The following MCOLN2 variants were observed in gnomAD, a reference collection of about 807,000 sequenced individuals.
The protein encoded by MCOLN2 is mucolipin TRP cation channel 2.
Under a neutral mutation model 67.5 loss-of-function variants are expected in MCOLN2, and 57 were observed. The ratio of observed to expected loss-of-function variants is 0.84; its 90% confidence interval spans 0.68 to 1.05. The LOEUF (loss-of-function observed/expected upper bound fraction) is 1.05. MCOLN2 is among the 50% of genes least tolerant of loss of function. The pLI, the probability that MCOLN2 is intolerant of heterozygous loss-of-function variation, is 0.00. For synonymous variants in MCOLN2, 246 were observed against 233.3 expected (o/e 1.05, Z -0.50); for missense variants, 620 against 678.8 (o/e 0.91, Z 0.96).
chr1:84,973,852 C>T (rs1649861124), intron 1 of MCOLN2, among the ~76,000 whole-genome samples: 1 of 152,166 alleles, frequency 6.6e-6, no homozygotes, highest in Non-Finnish European at 1.5e-5. Flanking sequence ...TGAGCACTTG[C>T]ACTACCTGCT....
intron 1 of MCOLN2, among the ~76,000 whole-genome samples, chr1:84,987,657 CATAT>C (rs1379639833): frequency 8.7e-6 from 1 of 114,778 alleles, no homozygotes; most frequent in Non-Finnish European, 1.9e-5. Context: ...TATATACATA[CATAT>C]GTATATATGT....
intron 1 of MCOLN2, among the ~76,000 whole-genome samples, chr1:84,976,144 C>A (rs1341362981): frequency 6.6e-6 from 1 of 151,942 alleles, no homozygotes; most frequent in Non-Finnish European, 1.5e-5. Context: ...AAAGAACTTC[C>A]CAAGCTTAGA....
intron 1 of MCOLN2, among the ~76,000 whole-genome samples, chr1:84,987,264 GATGT>G (rs1650559000): frequency 7.2e-5 from 1 of 13,798 alleles, no homozygotes; most frequent in African/African-American, 7.9e-5. Context: ...TATACATATA[GATGT>G]ATATATATAT....
At chr1:84,987,506 G>GTATATACTTATATACATATATAGGTA (rs1557665657) in intron 1 of MCOLN2, among the ~76,000 whole-genome samples, 1 of 30,006 alleles carries the variant, frequency 3.3e-5, no homozygotes, top group Admixed American at 4.7e-4. Flanking sequence ...ATACATAGAT[G>GTATATACTTATATACATATATAGGTA]TATACATATG....
Position 84,980,393 on chromosome 1 carries a change from A to C in MCOLN2, c.78-14685T>G, listed in dbSNP as rs150894683. Among the ~76,000 whole-genome samples, 51 of 152,346 alleles carry C rather than the reference A, an allele frequency of 3.3e-4. 1 individual carries two copies. The East Asian group carries it at 6.2e-3, about 18-fold the overall frequency. On this transcript the variant is annotated intron_variant, in intron 1 of 13. Coordinates refer to ENST00000370608, the MANE Select transcript of MCOLN2 (RefSeq NM_153259.4). ...CAAAAAGAACACAACTGGAGGAATC[A>C]CATTATCTGACTTCAAAATATACCA...
At chr1:84,942,935 C>T (rs890934011) in intron 7 of MCOLN2, among the ~76,000 whole-genome samples, 7 of 152,104 alleles carry the variant, frequency 4.6e-5, no homozygotes, top group Admixed American at 4.6e-4. Context: ...AGAAGTGGGG[C>T]TCCGACTTTG....
chr1:84,961,863 T>C (rs990919541), intron 2 of MCOLN2, among the ~76,000 whole-genome samples: 2 of 152,200 alleles, frequency 1.3e-5, no homozygotes, highest in Non-Finnish European at 2.9e-5. Flanking sequence ...AACAAGATAC[T>C]GCTCTAATTA....
At chr1:84,946,798 T>C (rs1358415334) in intron 7 of MCOLN2, among the ~76,000 whole-genome samples, 1 of 152,178 alleles carries the variant, frequency 6.6e-6, no homozygotes, top group Non-Finnish European at 1.5e-5. Context: ...GCAATCTGGC[T>C]CCAGAGCTAA....
In MCOLN2 at chr1:84,963,598, G is replaced by T. The variant is rs76232076; in HGVS notation, c.237+1951C>A. 4.4e-3 allele frequency among the ~76,000 whole-genome samples: 663 copies of T among 152,224 alleles called. 3 individuals are homozygous for T. Among genetic ancestry groups the T allele is most frequent in the African/African-American group, 0.015 (631 of 41,532 alleles). Reference sequence around the variant, plus strand: ...CTGGTGACAGGTGACTAGATCATGGGGGTAGAACTCCCCCTTGCTGTTCTC... The same window carrying T: ...CTGGTGACAGGTGACTAGATCATGGTGGTAGAACTCCCCCTTGCTGTTCTC... On this transcript the variant is annotated intron_variant, in intron 2 of 13. Transcript: ENST00000370608.
At chr1:84,966,492 T>C (rs541039111) in intron 1 of MCOLN2, among the ~76,000 whole-genome samples, 1 of 152,244 alleles carries the variant, frequency 6.6e-6, no homozygotes, top group South Asian at 2.1e-4. Flanking sequence ...AGGTATGACA[T>C]TACAGAAAAT....
intron 2 of MCOLN2, among the ~76,000 whole-genome samples, chr1:84,961,564 T>A (rs755022501): frequency 1.3e-5 from 2 of 152,120 alleles, no homozygotes; most frequent in East Asian, 1.9e-4. Context: ...TGGCCCAGCA[T>A]TGGGGAAGGT....
intron 11 of MCOLN2, among the ~76,000 whole-genome samples, chr1:84,933,099 G>T (rs1430468639): frequency 6.6e-6 from 1 of 152,002 alleles, no homozygotes; most frequent in Non-Finnish European, 1.5e-5. Flanking sequence ...CTCCTCACCT[G>T]CTCTATTCTT....
chr1:84,965,561 C>CATG lies in MCOLN2; in HGVS notation c.222_224dup (p.Val74_Met75insIle). On this transcript the variant is annotated inframe_insertion, in exon 2 of 14. Transcript: ENST00000370608. ...TAAGATAGGTTACCTGTGTGGTGAC[C>CATG]ATGACTATCTTCAAAATCTGCAAAC... The CATG allele has an allele frequency of 1.1e-5, 17 of 1,613,794 alleles. No homozygotes were observed. The highest frequency in any genetic ancestry group is 1.4e-5 in the Non-Finnish European group (17 of 1,179,872).
chr1:84,939,956 C>A (rs781126647), intron 8 of MCOLN2, among the ~76,000 whole-genome samples: 1 of 152,162 alleles, frequency 6.6e-6, no homozygotes, highest in Non-Finnish European at 1.5e-5. Flanking sequence ...TCATAGCTAA[C>A]ACACAGTACA....
rs1648929165 is a variant in MCOLN2 at position 84,958,804 on chromosome 1, AT to A, written c.238-103del. The stretch of plus-strand genomic sequence containing the variant: ...AACCATTACCTATAAACATCAGAAA[AT>A]AATATCAATTTTTTTTGGTTTATAC... On this transcript the variant is annotated intron_variant, in intron 2 of 13. Transcript: ENST00000370608. 2.1e-5 allele frequency: 18 copies of A among 859,114 alleles called. 1 individual carries two copies. The South Asian group carries it at 2.4e-4, about 11-fold the overall frequency. The allele number at this position is 859,114 out of a possible 1,614,324, so 53.2% of individuals were successfully genotyped here.
intron 1 of MCOLN2, 85 bp from the exon 2 acceptor site, chr1:84,965,793 T>A: frequency 7.7e-7 from 1 of 1,293,688 alleles, no homozygotes; most frequent in Admixed American, 2.1e-5. Context: ...TAAACTTGAG[T>A]TGGTACATAT....
chr1:84,983,676 CT>C (rs569506991), intron 1 of MCOLN2, among the ~76,000 whole-genome samples: 19,676 of 129,626 alleles, frequency 0.15, 859 homozygotes, highest in East Asian at 0.23. Context: ...TTTAAAATTT[CT>C]TTTTTTTTTT....
intron 2 of MCOLN2, 134 bp from the exon 3 acceptor site, chr1:84,958,836 G>C: frequency 3.5e-6 from 2 of 574,710 alleles, no homozygotes; most frequent in Non-Finnish European, 5.8e-6. Flanking sequence ...TATACTAATA[G>C]CATCAATGTC....
chr1:84,942,933 G>T (rs12120635), intron 7 of MCOLN2, among the ~76,000 whole-genome samples: 26,229 of 151,892 alleles, frequency 0.17, 2,540 homozygotes, highest in South Asian at 0.27. Flanking sequence ...CCAGAAGTGG[G>T]GCTCCGACTT....
Sources: gnomAD v4.1 joint callset for allele counts (sites outside exome capture counted in the v4.1 genomes callset) on GRCh38, gnomAD v4.1.1 for gene constraint, MANE v1.5 for transcripts, NCBI Gene and HGNC (gene_info 2026-07-23, HGNC 2026-07-21) for gene names.